The following NRG3 variants were observed in gnomAD, a reference collection of about 807,000 sequenced individuals.
NRG3 encodes pro-neuregulin-3, membrane-bound isoform.
NRG3 carries 31 observed loss-of-function variants against 66.9 expected under a neutral mutation model. That is an observed-to-expected ratio of 0.46 (90% confidence interval 0.35 to 0.63). The LOEUF (loss-of-function observed/expected upper bound fraction) is 0.63. Among genes scored for constraint, NRG3 ranks in the 20% least tolerant of loss-of-function variants. The probability of loss-of-function intolerance (pLI) is 0.00; values close to 1 mark genes in which losing one functional copy is unlikely to be tolerated. For missense variants in NRG3, 910 were observed against 878.9 expected, an observed-to-expected ratio of 1.04 and a Z score of -0.45; for synonymous variants, 393 against 359.4, an observed-to-expected ratio of 1.09 and a Z score of -1.06.
At position 82,393,500 on chromosome 10, in the gene NRG3, C is replaced by G. The variant is rs1376553270; in HGVS notation, c.953+34632C>G. ...GAAAGAGAACAACAGAAGTCATTGC[C>G]AGGAGGGAATGAAATACTGTAAGGA... On this transcript the variant is annotated intron_variant, in intron 2 of 8. Coordinates refer to ENST00000372141, the MANE Select transcript of NRG3 (RefSeq NM_001010848.4). Among the ~76,000 whole-genome samples the G allele has an allele frequency of 2.0e-5, 3 of 152,074 alleles. No homozygotes were observed. In the East Asian group the frequency reaches 5.8e-4, roughly 29 times the overall value.
intron 2 of NRG3, among the ~76,000 whole-genome samples, chr10:82,714,897 T>C (rs2056884325): frequency 6.6e-6 from 1 of 152,218 alleles, no homozygotes; most frequent in African/African-American, 2.4e-5. Context: ...ATTAACTATG[T>C]TTTATATTAT....
intron 7 of NRG3, 89 bp downstream of exon 7, chr10:82,974,004 G>A: frequency 6.8e-7 from 1 of 1,460,384 alleles, no homozygotes; most frequent in South Asian, 1.2e-5. Context: ...GCATGACTTA[G>A]GAGAGACAAC....
intron 1 of NRG3, among the ~76,000 whole-genome samples, chr10:81,905,629 T>C (rs1301334381): frequency 6.6e-6 from 1 of 152,210 alleles, no homozygotes; most frequent in Non-Finnish European, 1.5e-5. Context: ...ACTTTTGTCA[T>C]AATTTTTGGT....
At chr10:82,037,372 T>C (rs2062834972) in intron 1 of NRG3, among the ~76,000 whole-genome samples, 1 of 152,150 alleles carries the variant, frequency 6.6e-6, no homozygotes, top group Non-Finnish European at 1.5e-5. Flanking sequence ...CTGGTCTCCA[T>C]GGCACTAGGG....
At chr10:81,910,518 T>TGCATA (rs199565596) in intron 1 of NRG3, among the ~76,000 whole-genome samples, 1,583 of 152,358 alleles carry the variant, frequency 0.01, 33 homozygotes, top group African/African-American at 0.036. Context: ...TTTGCATATT[T>TGCATA]TTTAACCTTA....
chr10:81,975,655 C>T (rs1420372792), intron 1 of NRG3, among the ~76,000 whole-genome samples: 1 of 152,162 alleles, frequency 6.6e-6, no homozygotes, highest in African/African-American at 2.4e-5. Context: ...GCAGTGGCCT[C>T]AGGTGGAACT....
intron 3 of NRG3, among the ~76,000 whole-genome samples, chr10:82,777,079 C>A (rs1332955848): frequency 6.6e-6 from 1 of 152,050 alleles, no homozygotes; most frequent in African/African-American, 2.4e-5. Context: ...TAGGAAAAAA[C>A]TTTCATTTGC....
At chr10:82,065,697 G>C (rs2064415722) in intron 1 of NRG3, among the ~76,000 whole-genome samples, 1 of 152,126 alleles carries the variant, frequency 6.6e-6, no homozygotes, top group African/African-American at 2.4e-5. Flanking sequence ...TAAAAAAGGA[G>C]ATAGTGTGTT....
At chr10:82,278,176 A>G (rs938535281) in intron 1 of NRG3, among the ~76,000 whole-genome samples, 2 of 152,094 alleles carry the variant, frequency 1.3e-5, no homozygotes, top group Admixed American at 6.6e-5. Flanking sequence ...CTAAACCTCC[A>G]AGAAAATGAA....
chr10:82,850,701 AT>A (rs2063518753), intron 3 of NRG3, among the ~76,000 whole-genome samples: 1 of 130,790 alleles, frequency 7.6e-6, no homozygotes. Flanking sequence ...TAGACTCCAA[AT>A]TTTTTAAGAG....
chr10:82,680,178 C>A (rs1381252046), intron 2 of NRG3, among the ~76,000 whole-genome samples: 1 of 152,118 alleles, frequency 6.6e-6, no homozygotes, highest in African/African-American at 2.4e-5. Flanking sequence ...TTGTTGCAAT[C>A]ATAGTATTTT....
At chr10:82,227,788 T>C (rs991211105) in intron 1 of NRG3, among the ~76,000 whole-genome samples, 18 of 152,224 alleles carry the variant, frequency 1.2e-4, no homozygotes, top group African/African-American at 3.9e-4. Context: ...GTAAGCCTTT[T>C]ACCCTTTCCA....
At chr10:82,430,026 A>G (rs991385542) in intron 2 of NRG3, among the ~76,000 whole-genome samples, 2 of 151,984 alleles carry the variant, frequency 1.3e-5, no homozygotes, top group African/African-American at 2.4e-5. Flanking sequence ...GTACTTTTTT[A>G]TAGTTGCTAA....
At chr10:82,132,467 T>TATCATATATATATATCA (rs1564593172) in intron 1 of NRG3, among the ~76,000 whole-genome samples, 1 of 131,570 alleles carries the variant, frequency 7.6e-6, no homozygotes, top group East Asian at 2.2e-4. Flanking sequence ...ATGATATATA[T>TATCATATATATATATCA]GATATATATA....
intron 2 of NRG3, among the ~76,000 whole-genome samples, chr10:82,723,508 T>C (rs951983837): frequency 1.3e-5 from 2 of 152,154 alleles, no homozygotes; most frequent in Non-Finnish European, 2.9e-5. Context: ...AAAATATATT[T>C]GAAAAATATT....
At chr10:82,748,990 C>T (rs942050117) in intron 3 of NRG3, among the ~76,000 whole-genome samples, 19 of 152,154 alleles carry the variant, frequency 1.2e-4, no homozygotes, top group Middle Eastern at 6.8e-3. Context: ...TGCTTCTCTT[C>T]CTTTGAGCAT....
intron 2 of NRG3, among the ~76,000 whole-genome samples, chr10:82,499,432 G>T (rs1843943470): frequency 6.6e-6 from 1 of 152,008 alleles, no homozygotes; most frequent in Non-Finnish European, 1.5e-5. Flanking sequence ...TTAGCAATCT[G>T]CTCCTTCATT....
chr10:82,409,049 G>C (rs546323891), intron 2 of NRG3, among the ~76,000 whole-genome samples: 18 of 152,262 alleles, frequency 1.2e-4, no homozygotes, highest in Admixed American at 1.1e-3. Flanking sequence ...TGTAATAGGG[G>C]ATCTGTATTT....
At chr10:82,977,580 G>A (rs1037443516) in intron 7 of NRG3, among the ~76,000 whole-genome samples, 9 of 147,088 alleles carry the variant, frequency 6.1e-5, no homozygotes, top group Admixed American at 2.1e-4. Flanking sequence ...CTGCACTTCA[G>A]CCTGGGTGAC....
Sources: allele counts gnomAD v4.1 joint callset (sites outside exome capture counted in the v4.1 genomes callset), GRCh38; gene constraint gnomAD v4.1.1; transcripts MANE v1.5; gene names NCBI Gene and HGNC (gene_info 2026-07-23, HGNC 2026-07-21).